Variants in HPRT1 observed in about 807,000 individuals in gnomAD.
HPRT1 encodes the protein hypoxanthine-guanine phosphoribosyltransferase.
A neutral mutation model predicts 19.0 loss-of-function variants in HPRT1; 4 were observed. The observed-to-expected ratio is 0.21, with a 90% confidence interval of 0.10 to 0.48. The LOEUF is 0.48. Among genes scored for constraint, HPRT1 ranks in the 20% least tolerant of loss-of-function variants. HPRT1 has a pLI of 0.98. For missense variants in HPRT1, 65 were observed against 164.0 expected, an observed-to-expected ratio of 0.40 and a Z score of 3.30; for synonymous variants, 53 against 54.9, an observed-to-expected ratio of 0.97 and a Z score of 0.15.
rs2077626297 is a variant in HPRT1, at chrX:134,476,863, G to C, written c.318+1499G>C. Among the ~76,000 whole-genome samples, 3 of 110,139 alleles carry C rather than the reference G, an allele frequency of 2.7e-5. No individual in the cohort carries two copies. In the Admixed American group the frequency reaches 2.9e-4, roughly 11 times the overall value. ...TTTTTCCTATTTGTTTAAGATCTTA[G>C]AGGATTATTAAGCTGAACTCCTCAA... is the stretch of plus-strand genomic sequence containing the variant. On this transcript the variant is annotated intron_variant, in intron 3 of 8. Coordinates refer to ENST00000298556, the MANE Select transcript of HPRT1 (RefSeq NM_000194.3).
intron 4 of HPRT1, among the ~76,000 whole-genome samples, chrX:134,488,662 C>T (rs1026980814): frequency 1.8e-5 from 2 of 111,115 alleles, no homozygotes; most frequent in Non-Finnish European, 3.8e-5. Context: ...AATTCAAAAA[C>T]TCAATAATGG....
chrX:134,475,661 C>G (rs1435319742), intron 3 of HPRT1, among the ~76,000 whole-genome samples: 2 of 112,027 alleles, frequency 1.8e-5, no homozygotes, highest in African/African-American at 6.5e-5. Flanking sequence ...GATACCCTCT[C>G]TTGAGCTACA....
intron 5 of HPRT1, among the ~76,000 whole-genome samples, chrX:134,491,947 GTA>G (rs1216802017): frequency 2.6e-4 from 24 of 91,914 alleles, no homozygotes; most frequent in Admixed American, 9.0e-4. Flanking sequence ...GTGTGTGTGT[GTA>G]TATATATATA....
At chrX:134,484,576 A>G (rs2077647709) in intron 3 of HPRT1, among the ~76,000 whole-genome samples, 1 of 112,350 alleles carries the variant, frequency 8.9e-6, no homozygotes, top group African/African-American at 3.2e-5. Context: ...AAAGTCTCAT[A>G]AACGCCATTG....
chrX:134,481,113 G>A (rs1318279052), intron 3 of HPRT1, among the ~76,000 whole-genome samples: 6 of 106,424 alleles, frequency 5.6e-5, no homozygotes, highest in African/African-American at 2.1e-4. Flanking sequence ...TTTTTGTTTT[G>A]GTGGCAAGAG....
chrX:134,477,662 T>C, intron 3 of HPRT1, among the ~76,000 whole-genome samples: 1 of 110,217 alleles, frequency 9.1e-6, no homozygotes, highest in Non-Finnish European at 1.9e-5. Flanking sequence ...AATAAAAATA[T>C]CTGTTGATTT....
intron 1 of HPRT1, among the ~76,000 whole-genome samples, chrX:134,465,238 A>C (rs911998442): frequency 9.1e-6 from 1 of 109,881 alleles, no homozygotes; most frequent in African/African-American, 3.3e-5. Flanking sequence ...TTTTAACCAC[A>C]AAGAGACTTA....
intron 3 of HPRT1, among the ~76,000 whole-genome samples, chrX:134,485,714 T>C (rs1376462594): frequency 8.9e-6 from 1 of 111,927 alleles, no homozygotes; most frequent in African/African-American, 3.3e-5. Context: ...GGCTTTGTGG[T>C]ATGGTATGGC....
rs963688118 is a variant in HPRT1 at position 134,497,136 on chromosome X, C to A, written c.486-1254C>A. ...TTCTTTTGGCACACTAGTTGTTTTA[C>A]CCTAAAGTTCCTCTTTGTAAGCCAG... On this transcript the variant is annotated intron_variant, in intron 6 of 8. Transcript: ENST00000298556. 5.4e-5 allele frequency among the ~76,000 whole-genome samples: 6 copies of A among 111,627 alleles called. 1 individual carries two copies. The highest frequency in any genetic ancestry group is 8.3e-3 in the Middle Eastern group (2 of 240).
chrX:134,466,867 AT>A (rs1167513187), intron 1 of HPRT1, among the ~76,000 whole-genome samples: 2 of 110,920 alleles, frequency 1.8e-5, no homozygotes, highest in Admixed American at 1.9e-4. Flanking sequence ...TAGGGAGAGA[AT>A]CATTGGTGCT....
At chrX:134,473,203 C>T (rs978550849) in intron 1 of HPRT1, among the ~76,000 whole-genome samples, 156 bp from the exon 2 acceptor site, 1 of 112,325 alleles carries the variant, frequency 8.9e-6, no homozygotes, top group Non-Finnish European at 1.9e-5. Context: ...TGTTTTCTTA[C>T]ATAATTCATT....
At chrX:134,479,768 A>T (rs772650975) in intron 3 of HPRT1, among the ~76,000 whole-genome samples, 8 of 109,552 alleles carry the variant, frequency 7.3e-5, no homozygotes, top group Admixed American at 9.8e-5. Context: ...ACCACACCTG[A>T]CTAATTTTTG....
chrX:134,473,256 C>G lies in HPRT1; in HGVS notation c.28-103C>G, dbSNP rs767750079. The G allele has an allele frequency of 1.8e-5, 10 of 552,466 alleles. No individual in the cohort carries two copies. The South Asian group carries it at 2.0e-4, about 11-fold the overall frequency. The allele number at this position is 552,466 out of a possible 1,213,427, so 45.5% of individuals were successfully genotyped here. A position where few individuals can be genotyped will look rare whatever the true frequency, so the allele number is the denominator to read the frequency against. On this transcript the variant is annotated intron_variant, in intron 1 of 8. Transcript: ENST00000298556. The stretch of plus-strand genomic sequence containing the variant: ...AACAGTTACTAATATCATCTTACAC[C>G]TAAATTTCTCTGATAGACTAAGGTT...
At chrX:134,494,144 C>T (rs781483047) in intron 6 of HPRT1, among the ~76,000 whole-genome samples, 40 of 111,949 alleles carry the variant, frequency 3.6e-4, no homozygotes, top group African/African-American at 1.3e-3. Flanking sequence ...TTATTATTCC[C>T]ACTTTTCAGA....
At chrX:134,477,053 TATTTTATTTATTTA>T (rs2077627400) in intron 3 of HPRT1, among the ~76,000 whole-genome samples, 5 of 94,749 alleles carry the variant, frequency 5.3e-5, no homozygotes, top group African/African-American at 1.6e-4. Flanking sequence ...TATTTTATTT[TATTTTATTTATTTA>T]TTTTTTTTTT....
intron 1 of HPRT1, among the ~76,000 whole-genome samples, chrX:134,464,356 G>C (rs921649199): frequency 2.2e-4 from 24 of 111,161 alleles, no homozygotes; most frequent in African/African-American, 7.8e-4. Context: ...CTGTTATCCT[G>C]AGTTAACACA....
chrX:134,481,703 G>A (rs2077641058), intron 3 of HPRT1, among the ~76,000 whole-genome samples: 1 of 111,780 alleles, frequency 8.9e-6, no homozygotes, highest in Non-Finnish European at 1.9e-5. Context: ...ATACTTTCTA[G>A]TTCTTTCCCA....
At chrX:134,465,250 G>A (rs745320262) in intron 1 of HPRT1, among the ~76,000 whole-genome samples, 99 of 108,724 alleles carry the variant, frequency 9.1e-4, no homozygotes, top group African/African-American at 3.2e-3. Flanking sequence ...AGAGACTTAA[G>A]CAGTCCTTGT....
Position 134,486,527 on chromosome X carries a change from A to G in HPRT1, c.381A>G (p.Gly127=). 8.9e-7 allele frequency: 1 copy of G among 1,126,778 alleles called. No homozygotes were observed. The highest frequency in any genetic ancestry group is 1.8e-5 in the South Asian group (1 of 54,612). 92.9% of individuals were successfully genotyped at this position (1,126,778 alleles called of 1,213,427 possible). ...IGGDDLSTLT[G]KNVLIVEDII... is the part of the protein sequence containing the mutation. Reference sequence around the variant, plus strand: ...GAGATGATCTCTCAACTTTAACTGGAAAGGTATGTATCTTGAAAGGGAAGA... The same window carrying G: ...GAGATGATCTCTCAACTTTAACTGGGAAGGTATGTATCTTGAAAGGGAAGA... Residue 127 remains glycine (G), a synonymous_variant, in exon 4 of 9, where the codon GGA becomes GGG. Transcript: ENST00000298556.
Sources: gnomAD v4.1 joint callset for allele counts (sites outside exome capture counted in the v4.1 genomes callset) on GRCh38, gnomAD v4.1.1 for gene constraint, MANE v1.5 for transcripts, NCBI Gene and HGNC (gene_info 2026-07-23, HGNC 2026-07-21) for gene names.